Variants in DGKB observed in about 807,000 individuals in gnomAD.
DGKB encodes the protein 90 kDa diacylglycerol kinase.
A neutral mutation model predicts 114.3 loss-of-function variants in DGKB; 67 were observed. The ratio of observed to expected loss-of-function variants is 0.59; its 90% CI spans 0.48 to 0.72. The LOEUF is 0.72. DGKB is among the 30% of genes least tolerant of loss of function. DGKB has a pLI of 0.00. For synonymous variants in DGKB, 398 were observed against 323.1 expected, an observed-to-expected ratio of 1.23 and a Z score of -2.49; for missense variants, 907 against 975.2, an observed-to-expected ratio of 0.93 and a Z score of 0.93.
intron 2 of DGKB, among the ~76,000 whole-genome samples, chr7:14,827,458 G>C (rs749997602): frequency 9.2e-5 from 14 of 151,960 alleles, no homozygotes; most frequent in Non-Finnish European, 4.4e-5. Flanking sequence ...CAGACAGACA[G>C]ACAGACTAAC....
intron 1 of DGKB, among the ~76,000 whole-genome samples, chr7:14,955,077 G>C (rs1048382286): frequency 2.6e-5 from 4 of 151,846 alleles, no homozygotes; most frequent in African/African-American, 9.7e-5. Context: ...GGTTGTGAAA[G>C]GCAAGCAAAT....
intron 23 of DGKB, among the ~76,000 whole-genome samples, chr7:14,231,523 A>AT (rs1263421172): frequency 6.6e-6 from 1 of 152,050 alleles, no homozygotes; most frequent in African/African-American, 2.4e-5. Context: ...TCATGAAAAG[A>AT]TTTCTGCAGG....
intron 21 of DGKB, among the ~76,000 whole-genome samples, chr7:14,445,496 T>C (rs2128822289): frequency 6.6e-6 from 1 of 152,046 alleles, no homozygotes; most frequent in South Asian, 2.1e-4. Flanking sequence ...TTCAAAATGT[T>C]TTACCAGGAT....
At chr7:14,280,415 A>G (rs1799760008) in intron 23 of DGKB, among the ~76,000 whole-genome samples, 1 of 152,092 alleles carries the variant, frequency 6.6e-6, no homozygotes, top group African/African-American at 2.4e-5. Flanking sequence ...GGGAGAATGG[A>G]ACCGAGTTGG....
intron 23 of DGKB, among the ~76,000 whole-genome samples, chr7:14,199,805 G>A (rs540158231): frequency 4.6e-5 from 7 of 152,092 alleles, no homozygotes; most frequent in South Asian, 4.1e-4. Flanking sequence ...TAGTGACAAC[G>A]AAGTATACAA....
intron 5 of DGKB, among the ~76,000 whole-genome samples, chr7:14,735,421 A>G (rs1183227837): frequency 6.6e-6 from 1 of 152,044 alleles, no homozygotes; most frequent in South Asian, 2.1e-4. Context: ...TGCTTTTTCA[A>G]TCCTTTGAAA....
At chr7:14,184,932 G>T (rs1179597976) in intron 23 of DGKB, among the ~76,000 whole-genome samples, 1 of 152,126 alleles carries the variant, frequency 6.6e-6, no homozygotes, top group Admixed American at 6.5e-5. Flanking sequence ...TGAATGGGGA[G>T]AAGTTGAAAG....
rs149411631 is a variant in DGKB, at chr7:14,841,417, T to C, written c.-154A>G. 5.8e-6 allele frequency: 3 copies of C among 518,268 alleles called. No homozygotes were observed. Among genetic ancestry groups the C allele is most frequent in the East Asian group, 6.3e-5 (2 of 31,640 alleles). The allele number at this position is 518,268 out of a possible 1,614,324, so 32.1% of individuals were successfully genotyped here. ...GCAATCTGTCCACATGAAACTGCTT[T>C]GGATGCTTGTAATTTCAATAATGTG... On this transcript the variant is annotated 5_prime_UTR_variant, in exon 2 of 26. Transcript: ENST00000402815.
intron 23 of DGKB, among the ~76,000 whole-genome samples, chr7:14,217,615 C>T (rs957752674): frequency 3.3e-5 from 5 of 151,108 alleles, no homozygotes; most frequent in Non-Finnish European, 5.9e-5. Context: ...AAAACTAGAA[C>T]GTACATGAGA....
chr7:14,351,779 T>C (rs1399755302), intron 21 of DGKB, among the ~76,000 whole-genome samples: 5 of 152,274 alleles, frequency 3.3e-5, no homozygotes, highest in Admixed American at 1.3e-4. Context: ...TTTGTGGCAA[T>C]TACTATTCAG....
intron 20 of DGKB, among the ~76,000 whole-genome samples, chr7:14,480,678 C>G (rs2128910740): frequency 6.6e-6 from 1 of 152,126 alleles, no homozygotes; most frequent in Non-Finnish European, 1.5e-5. Flanking sequence ...CTTCCGCTTC[C>G]TAGAAGGCAC....
At chr7:14,973,327 G>T (rs1222713848) in intron 1 of DGKB, among the ~76,000 whole-genome samples, 1 of 151,226 alleles carries the variant, frequency 6.6e-6, no homozygotes, top group African/African-American at 2.4e-5. Flanking sequence ...CATCTATATT[G>T]TGTATATTAT....
intron 21 of DGKB, among the ~76,000 whole-genome samples, chr7:14,384,351 G>C (rs1454438422): frequency 6.6e-6 from 1 of 152,068 alleles, no homozygotes; most frequent in East Asian, 1.9e-4. Flanking sequence ...TTCCTTTTTT[G>C]TAAATAAAGT....
chr7:14,283,777 T>A (rs1195474535), intron 23 of DGKB, among the ~76,000 whole-genome samples: 1 of 152,136 alleles, frequency 6.6e-6, no homozygotes, highest in Non-Finnish European at 1.5e-5. Context: ...GATTCCCTAT[T>A]TAATAAATGG....
chr7:14,532,519 G>A (rs565981516), intron 20 of DGKB, among the ~76,000 whole-genome samples: 3 of 151,232 alleles, frequency 2.0e-5, no homozygotes, highest in Non-Finnish European at 4.4e-5. Context: ...TAAACTTTAA[G>A]TAAAAATAGT....
intron 20 of DGKB, among the ~76,000 whole-genome samples, chr7:14,530,034 C>T (rs966982488): frequency 4.0e-5 from 6 of 151,428 alleles, no homozygotes; most frequent in Non-Finnish European, 5.9e-5. Context: ...TGATCAGGAT[C>T]GATTAATTCA....
In DGKB at chr7:14,841,297, A is replaced by G. The variant is rs1386315216; in HGVS notation, c.-34T>C. ...TGAGAAGCTCTGTCACATACCAGGT[A>G]AAAGATTCTTTATTCAGGTGTTGCG... On this transcript the variant is annotated 5_prime_UTR_variant, in exon 2 of 26. Transcript: ENST00000402815. 9 of 1,596,902 alleles carry G rather than the reference A, an allele frequency of 5.6e-6. No homozygotes were observed.
intron 2 of DGKB, among the ~76,000 whole-genome samples, chr7:14,789,733 A>T (rs184679257): frequency 2.7e-5 from 4 of 146,386 alleles, no homozygotes; most frequent in South Asian, 2.2e-4. Flanking sequence ...TTAAAAAAAA[A>T]TTTTGCAGAG....
intron 9 of DGKB, among the ~76,000 whole-genome samples, chr7:14,686,805 A>C (rs1195027232): frequency 6.6e-6 from 1 of 151,982 alleles, no homozygotes; most frequent in Non-Finnish European, 1.5e-5. Flanking sequence ...GGGTCTCTTG[A>C]ATTTCTTCAT....
Sources: allele counts gnomAD v4.1 joint callset (sites outside exome capture counted in the v4.1 genomes callset), GRCh38; gene constraint gnomAD v4.1.1; transcripts MANE v1.5; gene names NCBI Gene and HGNC (gene_info 2026-07-23, HGNC 2026-07-21).